The following RGS6 variants were observed in gnomAD, a reference collection of about 807,000 sequenced individuals.
RGS6 encodes regulator of G protein signaling 6.
RGS6 carries 30 observed loss-of-function variants against 78.5 expected under a neutral mutation model. The observed-to-expected ratio is 0.38, with a 90% confidence interval of 0.29 to 0.52. The LOEUF (loss-of-function observed/expected upper bound fraction) is 0.52. RGS6 is among the 20% of genes least tolerant of loss of function. The probability of loss-of-function intolerance (pLI) is 0.85; values close to 1 mark genes in which losing one functional copy is unlikely to be tolerated. For missense variants in RGS6, 495 were observed against 609.7 expected, an observed-to-expected ratio of 0.81 and a Z score of 1.98; for synonymous variants, 206 against 206.0, an observed-to-expected ratio of 1.00 and a Z score of 0.00.
At chr14:72,505,444 A>C (rs2096786824) in intron 13 of RGS6, among the ~76,000 whole-genome samples, 1 of 152,184 alleles carries the variant, frequency 6.6e-6, no homozygotes, top group Non-Finnish European at 1.5e-5. Context: ...CTCATGACCT[A>C]ATCACCTCCC....
chr14:71,919,640 C>G, the RGS6 span, among the ~76,000 whole-genome samples: 1 of 152,166 alleles, frequency 6.6e-6, no homozygotes, highest in Non-Finnish European at 1.5e-5. Context: ...ATATATGCAG[C>G]TTCAACTATA....
chr14:72,124,747 A>G (rs1312069273), intron 2 of RGS6, among the ~76,000 whole-genome samples: 2 of 152,186 alleles, frequency 1.3e-5, no homozygotes, highest in Non-Finnish European at 2.9e-5. Flanking sequence ...AACTTTCACT[A>G]TAGAAAGAGC....
At chr14:72,106,516 G>A (rs1176327306) in intron 2 of RGS6, among the ~76,000 whole-genome samples, 1 of 152,136 alleles carries the variant, frequency 6.6e-6, no homozygotes, top group African/African-American at 2.4e-5. Flanking sequence ...AGACCTGCCA[G>A]TCACTTCAGA....
intron 6 of RGS6, among the ~76,000 whole-genome samples, chr14:72,464,229 C>G (rs560929134): frequency 1.3e-5 from 2 of 152,316 alleles, no homozygotes; most frequent in Admixed American, 6.5e-5. Context: ...TTAGCTAACT[C>G]TCCTTCATTA....
chr14:72,345,509 T>C (rs1012460406), intron 2 of RGS6, among the ~76,000 whole-genome samples: 4 of 152,176 alleles, frequency 2.6e-5, no homozygotes, highest in Non-Finnish European at 5.9e-5. Flanking sequence ...TTGAATGGGA[T>C]GATAAAAGAG....
At chr14:72,364,603 C>G (rs1442547847) in intron 3 of RGS6, among the ~76,000 whole-genome samples, 1 of 152,120 alleles carries the variant, frequency 6.6e-6, no homozygotes, top group Non-Finnish European at 1.5e-5. Flanking sequence ...CTATTGGGAC[C>G]CCAGTTCTTT....
At chr14:72,312,027 A>G (rs1428154182) in intron 2 of RGS6, among the ~76,000 whole-genome samples, 1 of 152,164 alleles carries the variant, frequency 6.6e-6, no homozygotes, top group Non-Finnish European at 1.5e-5. Context: ...AAAAAGAAGC[A>G]ACTGTTCTTG....
chr14:72,622,357 T>C, the RGS6 span, among the ~76,000 whole-genome samples: 1 of 152,134 alleles, frequency 6.6e-6, no homozygotes, highest in Non-Finnish European at 1.5e-5. Flanking sequence ...ACGAGCACAC[T>C]GTAGTTTACG....
At chr14:72,161,277 C>G (rs141052204) in intron 2 of RGS6, among the ~76,000 whole-genome samples, 1 of 152,062 alleles carries the variant, frequency 6.6e-6, no homozygotes, top group Non-Finnish European at 1.5e-5. Flanking sequence ...GAAGAAATAC[C>G]TAATGTAGAT....
chr14:72,098,809 C>T (rs925433359), intron 2 of RGS6, among the ~76,000 whole-genome samples: 1 of 152,198 alleles, frequency 6.6e-6, no homozygotes, highest in East Asian at 1.9e-4. Context: ...ATTTGTGTCA[C>T]CTGCCTCATT....
chr14:71,910,200 C>T, the RGS6 span, among the ~76,000 whole-genome samples: 1 of 70,128 alleles, frequency 1.4e-5, no homozygotes. Flanking sequence ...AAAACAAAAA[C>T]AAAAACAAAA....
At chr14:72,173,894 C>G (rs770262474) in intron 2 of RGS6, among the ~76,000 whole-genome samples, 58 of 152,130 alleles carry the variant, frequency 3.8e-4, no homozygotes, top group Non-Finnish European at 7.1e-4. Context: ...CAGAGTGATT[C>G]GAGAGGATGC....
chr14:71,961,612 A>G (rs918815741), intron 1 of RGS6, among the ~76,000 whole-genome samples: 5 of 152,174 alleles, frequency 3.3e-5, no homozygotes, highest in African/African-American at 4.8e-5. Context: ...ATCAAGCTGT[A>G]TTGTCTCTTC....
At chr14:71,922,021 A>G in the RGS6 span, among the ~76,000 whole-genome samples, 1 of 152,022 alleles carries the variant, frequency 6.6e-6, no homozygotes, top group African/African-American at 2.4e-5. Context: ...AATCCCACCT[A>G]TTTTTTATTC....
chr14:72,591,540 C>G, the RGS6 span, among the ~76,000 whole-genome samples: 2 of 152,136 alleles, frequency 1.3e-5, no homozygotes, highest in African/African-American at 4.8e-5. Flanking sequence ...CTAGAAAGCC[C>G]TCCAGGAACA....
At chr14:71,984,510 G>A (rs555124551) in intron 2 of RGS6, among the ~76,000 whole-genome samples, 18 of 148,224 alleles carry the variant, frequency 1.2e-4, no homozygotes, top group East Asian at 7.9e-4. Context: ...GTGTGGACAA[G>A]GAAGGCTTAT....
chr14:72,119,971 G>A (rs755981304), intron 2 of RGS6, among the ~76,000 whole-genome samples: 5 of 152,198 alleles, frequency 3.3e-5, no homozygotes, highest in Non-Finnish European at 7.3e-5. Flanking sequence ...GTTTTGTGAG[G>A]ATGATAGATT....
At chr14:72,326,683 A>G (rs1345640260) in intron 2 of RGS6, among the ~76,000 whole-genome samples, 1 of 152,096 alleles carries the variant, frequency 6.6e-6, no homozygotes, top group Non-Finnish European at 1.5e-5. Context: ...CTCTTTTCTT[A>G]TAAATCACCC....
the RGS6 span, among the ~76,000 whole-genome samples, chr14:71,912,675 C>G: frequency 6.6e-6 from 1 of 152,340 alleles, no homozygotes; most frequent in African/African-American, 2.4e-5. Context: ...TCACCCCTTT[C>G]TCAGCCTTGT....
Sources: allele counts gnomAD v4.1 joint callset (sites outside exome capture counted in the v4.1 genomes callset), GRCh38; gene constraint gnomAD v4.1.1; transcripts MANE v1.5; gene names NCBI Gene and HGNC (gene_info 2026-07-23, HGNC 2026-07-21).